PTPRK: variants seen among roughly 807,000 people sequenced by gnomAD.
The protein encoded by PTPRK is protein tyrosine phosphatase receptor type K, also known as receptor-type tyrosine-protein phosphatase kappa.
In PTPRK, 75 loss-of-function variants were observed where a neutral mutation model predicts 178.0. The observed-to-expected ratio is 0.42, with a 90% CI of 0.35 to 0.51. The LOEUF (loss-of-function observed/expected upper bound fraction) is 0.51, where lower values mean the gene tolerates loss of function less well. Among genes scored for constraint, PTPRK ranks in the 20% least tolerant of loss-of-function variants. The pLI, the probability that PTPRK is intolerant of heterozygous loss-of-function variation, is 0.02. For missense variants in PTPRK, 1,441 were observed against 1,797.8 expected (o/e 0.80, Z 3.59); for synonymous variants, 637 against 620.6 (o/e 1.03, Z -0.39).
chr6:128,106,265 A>G (rs1398559543), intron 7 of PTPRK, among the ~76,000 whole-genome samples: 1 of 152,202 alleles, frequency 6.6e-6, no homozygotes, highest in Non-Finnish European at 1.5e-5. Flanking sequence ...TATCACTTAT[A>G]AAAATAAAAC....
intron 2 of PTPRK, among the ~76,000 whole-genome samples, chr6:128,354,231 GTT>G (rs756148554): frequency 0.01 from 500 of 49,314 alleles, 5 homozygotes; most frequent in African/African-American, 0.044. Flanking sequence ...TTTTGTTTAT[GTT>G]TTTTTTTTTT....
At chr6:128,260,775 T>G (rs1362618345) in intron 3 of PTPRK, among the ~76,000 whole-genome samples, 1 of 152,200 alleles carries the variant, frequency 6.6e-6, no homozygotes, top group African/African-American at 2.4e-5. Flanking sequence ...TGAACTTTCA[T>G]GTACATTCAC....
chr6:128,380,255 C>A (rs1384835606), intron 2 of PTPRK, among the ~76,000 whole-genome samples: 1 of 151,956 alleles, frequency 6.6e-6, no homozygotes, highest in East Asian at 1.9e-4. Flanking sequence ...CTGGATATAG[C>A]TAACTCTCCT....
At chr6:127,995,803 G>A (rs1476267336) in intron 17 of PTPRK, among the ~76,000 whole-genome samples, 2 of 152,022 alleles carry the variant, frequency 1.3e-5, no homozygotes, top group Admixed American at 1.3e-4. Flanking sequence ...AATCATTTGA[G>A]TCATAGAATT....
intron 1 of PTPRK, among the ~76,000 whole-genome samples, chr6:128,438,822 A>G (rs1315642894): frequency 6.6e-6 from 1 of 152,162 alleles, no homozygotes; most frequent in Non-Finnish European, 1.5e-5. Flanking sequence ...AATGGGCAGC[A>G]TTTACAGAGA....
chr6:128,372,126 T>C (rs1836385819), intron 2 of PTPRK, among the ~76,000 whole-genome samples: 1 of 152,226 alleles, frequency 6.6e-6, no homozygotes, highest in Non-Finnish European at 1.5e-5. Flanking sequence ...AACTTAGTGA[T>C]TCCCCTAGCT....
intron 2 of PTPRK, among the ~76,000 whole-genome samples, chr6:128,328,890 T>C (rs1339144076): frequency 6.6e-6 from 1 of 152,200 alleles, no homozygotes; most frequent in Non-Finnish European, 1.5e-5. Context: ...ATCTCTTTAG[T>C]ATCTGTCTCA....
chr6:128,422,803 A>G (rs892518541), intron 1 of PTPRK, among the ~76,000 whole-genome samples: 1 of 152,142 alleles, frequency 6.6e-6, no homozygotes, highest in Admixed American at 6.5e-5. Context: ...TACTGAGCTA[A>G]CGCTAAAATT....
At chr6:128,515,651 A>C (rs1218340863) in intron 1 of PTPRK, among the ~76,000 whole-genome samples, 2 of 152,170 alleles carry the variant, frequency 1.3e-5, no homozygotes, top group Admixed American at 6.5e-5. Flanking sequence ...TCTTCTAAAA[A>C]TTAAGTAAAA....
intron 13 of PTPRK, among the ~76,000 whole-genome samples, chr6:128,063,929 C>T (rs1781308577): frequency 6.6e-6 from 1 of 152,122 alleles, no homozygotes; most frequent in Non-Finnish European, 1.5e-5. Flanking sequence ...GAATCAACTA[C>T]TGGACACAAA....
At position 128,312,286 on chromosome 6, in the gene PTPRK, G is replaced by C. The variant is rs182229136; in HGVS notation, c.495+9753C>G. On this transcript the variant is annotated intron_variant, in intron 3 of 29. Transcript: ENST00000368226. ...TTCACAGAAAGGCAGGGGAAAGTTA[G>C]AGCAGTTGTTTTTAGGTGTTATGGC... 3.9e-5 allele frequency among the ~76,000 whole-genome samples: 6 copies of C among 152,306 alleles called. No individual in the cohort carries two copies. The East Asian group carries it at 7.7e-4, about 20-fold the overall frequency.
At chr6:128,491,809 A>C (rs1339681725) in intron 1 of PTPRK, 2 of 517,976 alleles carry the variant, frequency 3.9e-6, no homozygotes, top group Non-Finnish European at 7.7e-6. Flanking sequence ...AGACAGCAGC[A>C]GAACAACAGC....
intron 3 of PTPRK, among the ~76,000 whole-genome samples, chr6:128,304,925 A>T (rs571028561): frequency 3.8e-4 from 58 of 152,332 alleles, no homozygotes; most frequent in Admixed American, 3.2e-3. Context: ...TAAGAAATGG[A>T]TCATATACCA....
chr6:127,999,229 T>A (rs1187809810), intron 15 of PTPRK, among the ~76,000 whole-genome samples: 1 of 151,944 alleles, frequency 6.6e-6, no homozygotes, highest in Non-Finnish European at 1.5e-5. Flanking sequence ...CAGTATAGAG[T>A]GGGACCAGAG....
At chr6:128,018,473 A>G (rs1025896130) in intron 13 of PTPRK, among the ~76,000 whole-genome samples, 3 of 152,076 alleles carry the variant, frequency 2.0e-5, no homozygotes, top group South Asian at 2.1e-4. Flanking sequence ...CTAATAGTGA[A>G]CATTCTTGTC....
intron 7 of PTPRK, among the ~76,000 whole-genome samples, chr6:128,128,382 T>C (rs1793708129): frequency 6.6e-6 from 1 of 152,164 alleles, no homozygotes; most frequent in Non-Finnish European, 1.5e-5. Flanking sequence ...GTGCTTCAGC[T>C]TGGAAGACCC....
At chr6:128,452,538 A>T (rs1007834332) in intron 1 of PTPRK, among the ~76,000 whole-genome samples, 16 of 152,194 alleles carry the variant, frequency 1.1e-4, no homozygotes, top group African/African-American at 3.6e-4. Context: ...ACATCCCACA[A>T]GCATAATGAG....
At chr6:128,033,972 G>A (rs549698046) in intron 13 of PTPRK, among the ~76,000 whole-genome samples, 2 of 152,092 alleles carry the variant, frequency 1.3e-5, no homozygotes, top group African/African-American at 2.4e-5. Context: ...AAGAGGATGC[G>A]GACACCTCAA....
intron 6 of PTPRK, among the ~76,000 whole-genome samples, chr6:128,205,093 T>C (rs573600329): frequency 6.6e-6 from 1 of 152,252 alleles, no homozygotes; most frequent in Admixed American, 6.5e-5. Context: ...TACAAAGGAA[T>C]TGGACCATGT....
Sources: allele counts gnomAD v4.1 joint callset (sites outside exome capture counted in the v4.1 genomes callset), GRCh38; gene constraint gnomAD v4.1.1; transcripts MANE v1.5; gene names NCBI Gene and HGNC (gene_info 2026-07-23, HGNC 2026-07-21).